Variants in SLC5A12 observed in about 807,000 individuals in gnomAD.
SLC5A12 encodes the protein sodium-coupled monocarboxylate transporter 2.
Under a neutral mutation model 72.7 loss-of-function variants are expected in SLC5A12, and 46 were observed. That is an observed-to-expected ratio of 0.63 (90% CI 0.50 to 0.81). The LOEUF is 0.81. Ranked by LOEUF, SLC5A12 falls within the 30% of genes least tolerant of loss-of-function variation. The pLI, the probability that SLC5A12 is intolerant of heterozygous loss-of-function variation, is 0.00. For synonymous variants in SLC5A12, 275 were observed against 264.4 expected (o/e 1.04, Z -0.39); for missense variants, 683 against 740.7 (o/e 0.92, Z 0.90).
At position 26,669,750 on chromosome 11, in the gene SLC5A12, T is replaced by G. The variant is rs1260792924; in HGVS notation, c.*1352A>C. The G allele has an allele frequency of 6.6e-6, 1 of 152,120 alleles. No homozygotes were observed. Among genetic ancestry groups the G allele is most frequent in the Non-Finnish European group, 1.5e-5 (1 of 68,020 alleles). The allele number at this position is 152,120 out of a possible 1,614,324, so 9.4% of individuals were successfully genotyped here. The stretch of plus-strand genomic sequence containing the variant: ...TCAAGGCTTTCTCTTTTGAGAAATA[T>G]TTAAAGACAACCTTTGGATTTCCTT... On this transcript the variant is annotated 3_prime_UTR_variant, in exon 15 of 15. Transcript: ENST00000396005.
At chr11:26,689,968 A>G (rs961857109) in intron 9 of SLC5A12, among the ~76,000 whole-genome samples, 2 of 152,210 alleles carry the variant, frequency 1.3e-5, no homozygotes, top group Non-Finnish European at 2.9e-5. Context: ...AATTAAAATC[A>G]TTATTGTTAA....
chr11:26,721,979 C>T lies in SLC5A12; in HGVS notation c.-265G>A, dbSNP rs1222154330. ...TTTGAAATCTGACCCTAGCTAAGAG[C>T]TGTCTGCTCCTCTCCTAAAGCATAT... On this transcript the variant is annotated 5_prime_UTR_variant, in exon 1 of 15. Transcript: ENST00000396005. 7 of 465,588 alleles carry T rather than the reference C, an allele frequency of 1.5e-5. No individual in the cohort carries two copies. The Admixed American group carries it at 2.3e-4, about 15-fold the overall frequency. The allele number at this position is 465,588 out of a possible 1,614,324, so 28.8% of individuals were successfully genotyped here. A position where few individuals can be genotyped will look rare whatever the true frequency, so the allele number is the denominator to read the frequency against.
chr11:26,706,498 T>G (rs957048673), intron 4 of SLC5A12, among the ~76,000 whole-genome samples: 2 of 152,018 alleles, frequency 1.3e-5, no homozygotes, highest in African/African-American at 4.8e-5. Flanking sequence ...TGATGTCATG[T>G]TTTTTGGTTT....
chr11:26,703,830 C>T lies in SLC5A12; in HGVS notation c.643G>A (p.Glu215Lys). Residue 215 changes from glutamate to lysine, a missense_variant, in exon 5 of 15, where the codon GAG (glutamate) becomes AAG (lysine). Glu to Lys is a moderately conservative substitution (Grantham distance 56). Transcript: ENST00000396005. ...AGTCGAGATCCATTTGTTGATTGCT[C>T]TAATACATTGTGGAATCCCCCAGCA... ...THAGGFHNVLEQSTNGSRLHI... is the reference protein window; with the variant it reads ...THAGGFHNVLKQSTNGSRLHI... 6.2e-7 allele frequency: 1 copy of T among 1,613,916 alleles called. No homozygotes were observed. The highest frequency in any genetic ancestry group is 1.1e-5 in the South Asian group (1 of 91,072).
At chr11:26,703,370 A>C (rs1202605594) in intron 6 of SLC5A12, among the ~76,000 whole-genome samples, 161 bp downstream of exon 6, 1 of 152,014 alleles carries the variant, frequency 6.6e-6, no homozygotes. Flanking sequence ...TGCTGGGCTC[A>C]AAAAGTTGAA....
At chr11:26,710,737 C>T (rs183896375) in intron 3 of SLC5A12, among the ~76,000 whole-genome samples, 50 of 152,152 alleles carry the variant, frequency 3.3e-4, no homozygotes, top group African/African-American at 1.2e-3. Context: ...CAGCTCTTAT[C>T]TAAACCTCAC....
At chr11:26,701,797 C>T (rs1168312377) in intron 6 of SLC5A12, among the ~76,000 whole-genome samples, 1 of 152,046 alleles carries the variant, frequency 6.6e-6, no homozygotes, top group Non-Finnish European at 1.5e-5. Context: ...TATATATGCC[C>T]ATCCATACTT....
At chr11:26,699,096 T>C (rs1854897560) in intron 6 of SLC5A12, among the ~76,000 whole-genome samples, 1 of 152,180 alleles carries the variant, frequency 6.6e-6, no homozygotes, top group African/African-American at 2.4e-5. Flanking sequence ...GTGCAATTCA[T>C]TTTATTTTAA....
At chr11:26,717,084 TATAG>T (rs1855367552) in intron 1 of SLC5A12, among the ~76,000 whole-genome samples, 1 of 152,152 alleles carries the variant, frequency 6.6e-6, no homozygotes, top group African/African-American at 2.4e-5. Context: ...AATAATATCT[TATAG>T]ATAAACATTG....
chr11:26,703,762 G>A, intron 5 of SLC5A12, 31 bp downstream of exon 5: 1 of 1,613,020 alleles, frequency 6.2e-7, no homozygotes, highest in Non-Finnish European at 8.5e-7. Context: ...CTAAGTCTTT[G>A]TAAAGTATGA....
At chr11:26,716,856 C>T (rs1038682768) in intron 1 of SLC5A12, among the ~76,000 whole-genome samples, 2 of 152,066 alleles carry the variant, frequency 1.3e-5, no homozygotes, top group African/African-American at 4.8e-5. Flanking sequence ...CAGTAAAAGC[C>T]CTAAAATTAT....
intron 1 of SLC5A12, among the ~76,000 whole-genome samples, chr11:26,717,066 T>C (rs1590743324): frequency 6.6e-6 from 1 of 152,282 alleles, no homozygotes; most frequent in East Asian, 1.9e-4. Context: ...TCTGCTGAAA[T>C]AGTATTCAAT....
chr11:26,711,856 T>A (rs1376695120), intron 2 of SLC5A12, among the ~76,000 whole-genome samples: 1 of 152,054 alleles, frequency 6.6e-6, no homozygotes, highest in Non-Finnish European at 1.5e-5. Context: ...CCATAATGAA[T>A]ATGTCTTCTA....
Position 26,670,945 on chromosome 11 carries a change from C to A in SLC5A12, c.*157G>T, listed in dbSNP as rs1854124874. ...AATATCCCGAGAGACAGTCATTTTG[C>A]ATGTAGTTATAAATAAGTAGAAATA... On this transcript the variant is annotated 3_prime_UTR_variant, in exon 15 of 15. Coordinates refer to ENST00000396005, the MANE Select transcript of SLC5A12 (RefSeq NM_178498.4). 2 of 590,358 alleles carry A rather than the reference C, an allele frequency of 3.4e-6. No homozygotes were observed. Among genetic ancestry groups the A allele is most frequent in the East Asian group, 3.3e-5 (1 of 29,880 alleles). The allele number at this position is 590,358 out of a possible 1,614,324, so 36.6% of individuals were successfully genotyped here.
intron 1 of SLC5A12, among the ~76,000 whole-genome samples, chr11:26,715,919 G>C (rs942840953): frequency 1.3e-5 from 2 of 152,164 alleles, no homozygotes; most frequent in African/African-American, 4.8e-5. Flanking sequence ...GCCCATCTGA[G>C]CCAGGCAAAA....
intron 10 of SLC5A12, among the ~76,000 whole-genome samples, chr11:26,684,145 A>G (rs1048361052): frequency 2.6e-5 from 4 of 152,132 alleles, no homozygotes; most frequent in Non-Finnish European, 5.9e-5. Flanking sequence ...TATAAAAAAT[A>G]TAAGGTCATA....
intron 13 of SLC5A12, among the ~76,000 whole-genome samples, chr11:26,674,076 T>C (rs1854208489): frequency 6.6e-6 from 1 of 152,138 alleles, no homozygotes; most frequent in South Asian, 2.1e-4. Flanking sequence ...CCTTGAAACA[T>C]ACCTGTTCAA....
chr11:26,671,787 T>G (rs1218594843), intron 14 of SLC5A12, among the ~76,000 whole-genome samples: 1 of 152,140 alleles, frequency 6.6e-6, no homozygotes, highest in Non-Finnish European at 1.5e-5. Context: ...TTATTATTTA[T>G]TCCAGGAAAT....
intron 7 of SLC5A12, 117 bp from the exon 8 acceptor site, chr11:26,697,369 A>G (rs1854846710): frequency 1.2e-6 from 1 of 828,702 alleles, no homozygotes; most frequent in African/African-American, 1.7e-5. Context: ...GAAATGTGGG[A>G]ACATAGCTGT....
Sources: gnomAD v4.1 joint callset for allele counts (sites outside exome capture counted in the v4.1 genomes callset) on GRCh38, gnomAD v4.1.1 for gene constraint, MANE v1.5 for transcripts, NCBI Gene and HGNC (gene_info 2026-07-23, HGNC 2026-07-21) for gene names.